HAPLN1: variants seen among roughly 807,000 people sequenced by gnomAD.
The protein encoded by HAPLN1 is Cartilage link protein.
A neutral mutation model predicts 36.5 loss-of-function variants in HAPLN1; 13 were observed. The observed-to-expected ratio is 0.36, with a 90% CI of 0.23 to 0.57. The LOEUF (loss-of-function observed/expected upper bound fraction) is 0.57. Ranked by LOEUF, HAPLN1 falls within the 20% of genes least tolerant of loss-of-function variation. The probability of loss-of-function intolerance (pLI) is 0.83; values close to 1 mark genes in which losing one functional copy is unlikely to be tolerated. For synonymous variants in HAPLN1, 202 were observed against 169.8 expected (o/e 1.19, Z -1.48); for missense variants, 407 against 439.7 (o/e 0.93, Z 0.66).
chr5:83,683,685 C>T (rs1268758706), intron 1 of HAPLN1, among the ~76,000 whole-genome samples: 1 of 152,122 alleles, frequency 6.6e-6, no homozygotes, highest in African/African-American at 2.4e-5. Context: ...TGACATTGTG[C>T]ACTTCTTCAA....
chr5:83,703,289 T>C (rs1751552698), intron 1 of HAPLN1, among the ~76,000 whole-genome samples: 1 of 152,214 alleles, frequency 6.6e-6, no homozygotes, highest in Non-Finnish European at 1.5e-5. Context: ...TTTTCGAGTT[T>C]ACTAATCATC....
chr5:83,679,563 C>T (rs1750948188), intron 1 of HAPLN1, among the ~76,000 whole-genome samples: 1 of 152,114 alleles, frequency 6.6e-6, no homozygotes, highest in Admixed American at 6.6e-5. Flanking sequence ...TTCTCTTTTC[C>T]CTATATTTCA....
At chr5:83,688,419 C>G (rs116584447) in intron 1 of HAPLN1, among the ~76,000 whole-genome samples, 348 of 152,258 alleles carry the variant, frequency 2.3e-3, no homozygotes, top group Non-Finnish European at 3.6e-3. Context: ...TCAATACCCA[C>G]AATAGATCTG....
chr5:83,669,070 G>T (rs1259066689), intron 2 of HAPLN1, among the ~76,000 whole-genome samples: 3 of 152,208 alleles, frequency 2.0e-5, no homozygotes, highest in Non-Finnish European at 4.4e-5. Context: ...ATTTCTGGGA[G>T]TTCCTCTTGT....
At chr5:83,656,565 T>C (rs1040081871) in intron 2 of HAPLN1, among the ~76,000 whole-genome samples, 1 of 152,116 alleles carries the variant, frequency 6.6e-6, no homozygotes, top group Non-Finnish European at 1.5e-5. Flanking sequence ...CTTAATTTTG[T>C]CCATAAATGA....
chr5:83,679,938 T>C (rs536313150), intron 1 of HAPLN1, among the ~76,000 whole-genome samples: 4 of 152,338 alleles, frequency 2.6e-5, no homozygotes, highest in Non-Finnish European at 4.4e-5. Flanking sequence ...TCGTCTCTTC[T>C]ACTTATGTTG....
rs1445936674 is a variant in HAPLN1 at position 83,644,789 on chromosome 5, A to G, written c.473-124T>C. On this transcript the variant is annotated intron_variant, in intron 3 of 4. Transcript: ENST00000274341. ...CAGATGAGACAGTAGTTTTTCGTCAACTAGCAACTGTTTCTCATGATCCCT... is the reference window on the plus strand; with the variant it reads ...CAGATGAGACAGTAGTTTTTCGTCAGCTAGCAACTGTTTCTCATGATCCCT... 16 of 557,592 alleles carry G rather than the reference A, an allele frequency of 2.9e-5. No homozygotes were observed. The East Asian group carries it at 3.1e-4, about 11-fold the overall frequency. The allele number at this position is 557,592 out of a possible 1,614,324, so 34.5% of individuals were successfully genotyped here.
chr5:83,691,656 G>C (rs964966199), intron 1 of HAPLN1, among the ~76,000 whole-genome samples: 1 of 151,888 alleles, frequency 6.6e-6, no homozygotes, highest in African/African-American at 2.4e-5. Flanking sequence ...GGAATAAGTA[G>C]TATCCAGCCT....
chr5:83,662,157 C>T (rs1750420014), intron 2 of HAPLN1, among the ~76,000 whole-genome samples: 1 of 152,174 alleles, frequency 6.6e-6, no homozygotes, highest in Admixed American at 6.5e-5. Context: ...CCCCCCTCGG[C>T]CTCCCAAAGT....
intron 1 of HAPLN1, among the ~76,000 whole-genome samples, chr5:83,681,894 T>A (rs1308712190): frequency 6.6e-6 from 1 of 152,200 alleles, no homozygotes. Context: ...GAGTTTAGAC[T>A]CTTGTGCTCA....
intron 1 of HAPLN1, among the ~76,000 whole-genome samples, chr5:83,707,899 CA>C (rs1221557773): frequency 6.6e-6 from 1 of 152,296 alleles, no homozygotes; most frequent in Admixed American, 6.5e-5. Flanking sequence ...TAAAAGTGGG[CA>C]AAGGACGTCA....
chr5:83,666,258 A>G (rs1750548424), intron 2 of HAPLN1, among the ~76,000 whole-genome samples: 2 of 152,172 alleles, frequency 1.3e-5, no homozygotes, highest in South Asian at 4.1e-4. Flanking sequence ...TGGTAAAATC[A>G]GAGAATCAAC....
At chr5:83,714,862 G>A (rs1267695389) in intron 1 of HAPLN1, among the ~76,000 whole-genome samples, 3 of 152,244 alleles carry the variant, frequency 2.0e-5, no homozygotes, top group Non-Finnish European at 4.4e-5. Context: ...AGGGGATCAA[G>A]AGCAGAGATT....
At chr5:83,698,121 T>C (rs1224671278) in intron 1 of HAPLN1, among the ~76,000 whole-genome samples, 1 of 152,156 alleles carries the variant, frequency 6.6e-6, no homozygotes, top group Non-Finnish European at 1.5e-5. Flanking sequence ...ACCTATGTTG[T>C]CTTCAAAAGT....
At chr5:83,693,089 G>A (rs972636275) in intron 1 of HAPLN1, among the ~76,000 whole-genome samples, 7 of 151,808 alleles carry the variant, frequency 4.6e-5, no homozygotes, top group African/African-American at 1.7e-4. Flanking sequence ...ATAAAATGGA[G>A]CAATTATAAC....
chr5:83,716,726 A>G (rs943920433), intron 1 of HAPLN1, among the ~76,000 whole-genome samples: 1 of 152,152 alleles, frequency 6.6e-6, no homozygotes, highest in African/African-American at 2.4e-5. Flanking sequence ...ACTTCTTGTA[A>G]CATGGCAGAA....
intron 2 of HAPLN1, among the ~76,000 whole-genome samples, chr5:83,656,327 C>CAAAAAAAAAAAAA (rs35902132): frequency 1.7e-5 from 1 of 59,802 alleles, no homozygotes; most frequent in Non-Finnish European, 2.9e-5. Flanking sequence ...GACTACGTCT[C>CAAAAAAAAAAAAA]AAAAAAAAAA....
At chr5:83,659,489 T>C (rs1750321135) in intron 2 of HAPLN1, among the ~76,000 whole-genome samples, 1 of 152,144 alleles carries the variant, frequency 6.6e-6, no homozygotes, top group Admixed American at 6.5e-5. Context: ...GGGAAAAGTG[T>C]GTAGAGGAAG....
chr5:83,678,759 C>G (rs1750922828), intron 1 of HAPLN1, among the ~76,000 whole-genome samples: 1 of 151,948 alleles, frequency 6.6e-6, no homozygotes, highest in Non-Finnish European at 1.5e-5. Flanking sequence ...AAAGGCCACT[C>G]AAAAATAAGA....
Sources: allele counts gnomAD v4.1 joint callset (sites outside exome capture counted in the v4.1 genomes callset), GRCh38; gene constraint gnomAD v4.1.1; transcripts MANE v1.5; gene names NCBI Gene and HGNC (gene_info 2026-07-23, HGNC 2026-07-21).